CIDEB: variants seen among roughly 807,000 people sequenced by gnomAD.
CIDEB encodes the protein lipid transferase CIDEB.
Under a neutral mutation model 22.4 loss-of-function variants are expected in CIDEB, and 27 were observed. The ratio of observed to expected loss-of-function variants is 1.21; its 90% confidence interval spans 0.89 to 1.66. The LOEUF (loss-of-function observed/expected upper bound fraction) is 1.66. CIDEB is among the 40% of genes most tolerant of loss of function. The probability of loss-of-function intolerance (pLI) is 0.00; values close to 1 mark genes in which losing one functional copy is unlikely to be tolerated. For synonymous variants in CIDEB, 103 were observed against 109.5 expected (o/e 0.94, Z 0.37); for missense variants, 289 against 268.7 (o/e 1.08, Z -0.53).
intron 2 of CIDEB, 174 bp downstream of exon 2, chr14:24,307,197 G>T (rs967728951): frequency 1.3e-5 from 8 of 636,492 alleles, no homozygotes; most frequent in Non-Finnish European, 2.1e-5. Flanking sequence ...AGCTCACTCG[G>T]TGGAAAATGA....
upstream of CIDEB, chr14:24,310,391 C>G (rs1594634449): frequency 3.2e-6 from 2 of 626,572 alleles, no homozygotes; most frequent in East Asian, 5.4e-5. Flanking sequence ...GGGGTGATGA[C>G]TTTATGCCTG....
At chr14:24,311,295 G>A (rs560330749), upstream of CIDEB, 3 of 1,588,826 alleles carry the variant, frequency 1.9e-6, no homozygotes, top group Middle Eastern at 1.7e-4. Context: ...GCTGCGGGGC[G>A]CCCGCTGGGG....
At chr14:24,311,034 AC>A (rs762073708), upstream of CIDEB, 5 of 1,578,214 alleles carry the variant, frequency 3.2e-6, no homozygotes, top group South Asian at 4.5e-5. Context: ...CCTCGCAGTC[AC>A]CCGCCCCTTC....
intron 2 of CIDEB, 78 bp downstream of exon 2, chr14:24,307,293 C>T (rs2139149708): frequency 1.3e-6 from 2 of 1,484,956 alleles, no homozygotes; most frequent in South Asian, 2.5e-5. Flanking sequence ...GCCCTCTGCT[C>T]CATCATCACA....
chr14:24,307,679 AG>A, intron 1 of CIDEB, 138 bp downstream of exon 1: 3 of 1,250,356 alleles, frequency 2.4e-6, no homozygotes, highest in Non-Finnish European at 3.4e-6. Flanking sequence ...CGGGTGGCTC[AG>A]GAGCTTGACA....
At chr14:24,308,126 CAT>C (rs1481401465), upstream of CIDEB, 17 of 534,612 alleles carry the variant, frequency 3.2e-5, no homozygotes, top group South Asian at 6.1e-5. Context: ...TTGGTGATGA[CAT>C]GTGTTGTGAG....
At chr14:24,310,762 TG>T (rs779198943), upstream of CIDEB, 1 of 1,609,240 alleles carries the variant, frequency 6.2e-7, no homozygotes. Context: ...GCGGCGCTGC[TG>T]GGGCTGCCTG....
At position 24,305,692 on chromosome 14, in the gene CIDEB, G is replaced by A. The variant is rs770371889; in HGVS notation, c.601C>T (p.Arg201Cys). Residue 201 changes from arginine to cysteine, a missense_variant, in exon 5 of 5, where the codon CGT becomes TGT. Transcript: ENST00000554411. ...HMLLGISSTL[R>C]HAVEGAEQWQ... ...TGCTCAGCCCCCTCCACTGCATGAC[G>A]AAGGGTGGAGGAAATTCCCAGCAAC... 8 of 1,614,170 alleles carry A rather than the reference G, an allele frequency of 5.0e-6. No individual in the cohort carries two copies. The highest frequency in any genetic ancestry group is 2.2e-5 in the East Asian group (1 of 44,884).
At chr14:24,310,872 G>T (rs775793776), upstream of CIDEB, 3 of 1,592,396 alleles carry the variant, frequency 1.9e-6, no homozygotes, top group Admixed American at 5.1e-5. Flanking sequence ...GGCCGACGGC[G>T]CGGTGCTGCT....
chr14:24,307,848 A>G lies in CIDEB; in HGVS notation c.11T>C (p.Leu4Pro). Residue 4 changes from leucine to proline, a missense_variant, in exon 1 of 5, where the codon CTC becomes CCC. Physicochemically the swap from Leu to Pro is moderately conservative, Grantham distance 98 (BLOSUM62 -3). Transcript: ENST00000554411. ...TAAGTCACTGGGGTTCAGAGCTGAG[A>G]GGTACTCCATGGTGGACCGGAGAGT... The part of the protein sequence containing the change: MEY[L>P]SALNPSDLLR... 6.3e-7 allele frequency: 1 copy of G among 1,594,548 alleles called. No homozygotes were observed. The highest frequency in any genetic ancestry group is 1.8e-5 in the Admixed American group (1 of 56,978).
intron 1 of CIDEB, 30 bp from the exon 2 acceptor site, chr14:24,307,545 G>A: frequency 6.2e-7 from 1 of 1,606,426 alleles, no homozygotes; most frequent in Non-Finnish European, 8.5e-7. Context: ...GTCAAGAAGG[G>A]GCGAGGAGGG....
chr14:24,311,122 C>G, upstream of CIDEB: 1 of 1,580,182 alleles, frequency 6.3e-7, no homozygotes, highest in Admixed American at 1.8e-5. Flanking sequence ...CTGTTGCTCG[C>G]CGTCCCGGCC....
rs1327642006 is a variant in CIDEB at position 24,306,099 on chromosome 14, G to C, written c.375C>G (p.Pro125=). 3.1e-6 allele frequency: 5 copies of C among 1,614,062 alleles called. No individual in the cohort carries two copies. Among genetic ancestry groups the C allele is most frequent in the Non-Finnish European group, 4.2e-6 (5 of 1,179,996 alleles). The part of the protein sequence containing the change: ...VLSYGLGRER[P]KHSKDIARFT... ...ATCGGGCGATGTCCTTGCTGTGCTT[G>C]GGCCTCTCCCGTCCCAGGCCATATG... The change falls in exon 4 of 5, where the codon CCC becomes CCG. Residue 125 remains proline, a synonymous_variant. Coordinates refer to ENST00000554411, the MANE Select transcript of CIDEB (RefSeq NM_001393339.1).
At position 24,306,383 on chromosome 14, in the gene CIDEB, G is replaced by T. The variant is rs1208850480; in HGVS notation, c.327C>A (p.Ser109Arg). 1.9e-6 allele frequency: 3 copies of T among 1,614,056 alleles called. No individual in the cohort carries two copies. Among genetic ancestry groups the T allele is most frequent in the African/African-American group, 1.3e-5 (1 of 74,914 alleles). Residue 109 changes from serine (S) to arginine (R), a missense_variant, in exon 3 of 5, where the codon AGC (serine) becomes AGA (arginine). By Grantham distance (110) the Ser-to-Arg change is moderately radical. Coordinates refer to ENST00000554411, the MANE Select transcript of CIDEB (RefSeq NM_001393339.1). The part of the protein sequence containing the change: ...LMVLQSGQSW[S>R]PTRSGVLSYG... ...AGTATAGGCCTCTTACCCTTGTAGG[G>T]CTCCAGCTCTGACCAGACTGCAACA... is the stretch of plus-strand genomic sequence containing the variant.
At position 24,306,373 on chromosome 14, in the gene CIDEB, C is replaced by A. The variant is rs146737422; in HGVS notation, c.336+1G>T. The A allele has an allele frequency of 2.8e-5, 45 of 1,614,084 alleles. No homozygotes were observed. The highest frequency in any genetic ancestry group is 3.7e-5 in the Non-Finnish European group (44 of 1,180,036). Reference sequence around the variant, plus strand: ...AAGCAGCCCCAGTATAGGCCTCTTACCCTTGTAGGGCTCCAGCTCTGACCA... The same window carrying A: ...AAGCAGCCCCAGTATAGGCCTCTTAACCTTGTAGGGCTCCAGCTCTGACCA... On this transcript the variant is annotated splice_donor_variant, in intron 3 of 4. Coordinates refer to ENST00000554411, the MANE Select transcript of CIDEB (RefSeq NM_001393339.1). LOFTEE classifies it high-confidence loss of function.
rs771759114 is a variant in CIDEB at position 24,306,518 on chromosome 14, C to T, written c.192G>A (p.Leu64=). 8.1e-6 allele frequency: 13 copies of T among 1,614,258 alleles called. No homozygotes were observed. Among genetic ancestry groups the T allele is most frequent in the South Asian group, 2.2e-5 (2 of 91,088 alleles). ...ATRQELLAKA[L]ETLLLNGVLT... The stretch of plus-strand genomic sequence containing the variant: ...GCACTCCATTCAGCAGTAGGGTCTC[C>T]AATGCCTGCCCAATGGCAAGAAGCA... The change falls in exon 3 of 5, where the codon TTG becomes TTA. Residue 64 remains leucine (L), a synonymous_variant. Transcript: ENST00000554411.
upstream of CIDEB, chr14:24,310,389 GACTTTA>G: frequency 4.8e-6 from 3 of 619,974 alleles, no homozygotes; most frequent in Admixed American, 8.4e-5. Flanking sequence ...CTGGGGTGAT[GACTTTA>G]TGCCTGTTTA....
upstream of CIDEB, chr14:24,309,362 C>CT (rs1472033341): frequency 2.6e-5 from 4 of 152,300 alleles, no homozygotes; most frequent in Non-Finnish European, 4.4e-5. Context: ...AGAACCCAAA[C>CT]TAAGACAGTG....
upstream of CIDEB, chr14:24,310,610 C>T (rs368928411): frequency 5.7e-6 from 9 of 1,581,012 alleles, no homozygotes; most frequent in Admixed American, 1.2e-4. Flanking sequence ...TGGGGTTTTG[C>T]CCCACCCCTG....
Sources: allele counts gnomAD v4.1 joint callset, GRCh38; gene constraint gnomAD v4.1.1; transcripts MANE v1.5; gene names NCBI Gene and HGNC (gene_info 2026-07-23, HGNC 2026-07-21).